The following TPO variants were observed in gnomAD, a reference collection of about 807,000 sequenced individuals.
TPO encodes the protein thyroid microsomal antigen.
Under a neutral mutation model 96.9 loss-of-function variants are expected in TPO, and 78 were observed. The ratio of observed to expected loss-of-function variants is 0.81; its 90% confidence interval spans 0.67 to 0.97. The LOEUF (loss-of-function observed/expected upper bound fraction) is 0.97. Among genes scored for constraint, TPO ranks in the 50% least tolerant of loss-of-function variants. The probability of loss-of-function intolerance (pLI) is 0.00; values close to 1 mark genes in which losing one functional copy is unlikely to be tolerated. For synonymous variants in TPO, 547 were observed against 538.0 expected (o/e 1.02, Z -0.23); for missense variants, 1,252 against 1,274.8 (o/e 0.98, Z 0.27).
chr2:1,478,271 G>A (rs1573354676), intron 8 of TPO: 1 of 985,348 alleles, frequency 1.0e-6, no homozygotes, highest in African/African-American at 1.7e-5. Context: ...TGCGGTCCCT[G>A]ACTCTAGGGG....
At chr2:1,428,116 G>C (rs1487729493) in intron 3 of TPO, among the ~76,000 whole-genome samples, 1 of 152,168 alleles carries the variant, frequency 6.6e-6, no homozygotes, top group African/African-American at 2.4e-5. Context: ...ATTTGAGTTT[G>C]ATTTTCAGAT....
chr2:1,418,011 C>T (rs968177370), intron 2 of TPO, among the ~76,000 whole-genome samples: 5 of 151,792 alleles, frequency 3.3e-5, no homozygotes, highest in East Asian at 1.9e-4. Flanking sequence ...AGGCCAGTGC[C>T]ATGACTCACA....
At chr2:1,519,372 C>G (rs1213273092) in intron 15 of TPO, among the ~76,000 whole-genome samples, 5 of 152,206 alleles carry the variant, frequency 3.3e-5, no homozygotes, top group Non-Finnish European at 7.3e-5. Context: ...CGTGCCACAG[C>G]TGCCCTGCTT....
At chr2:1,478,673 G>C (rs1325991540) in intron 8 of TPO, among the ~76,000 whole-genome samples, 1 of 152,046 alleles carries the variant, frequency 6.6e-6, no homozygotes, top group African/African-American at 2.4e-5. Context: ...ACACTTCTCC[G>C]GCAAGCACGG....
chr2:1,448,697 G>C (rs1448072434), intron 5 of TPO, among the ~76,000 whole-genome samples: 1 of 152,218 alleles, frequency 6.6e-6, no homozygotes, highest in Non-Finnish European at 1.5e-5. Flanking sequence ...GCTCCTGCAG[G>C]TAAATGGCTG....
At chr2:1,472,827 CAAAAAAAAAA>C (rs34064729) in intron 7 of TPO, among the ~76,000 whole-genome samples, 97 of 48,340 alleles carry the variant, frequency 2.0e-3, no homozygotes, top group South Asian at 0.012. Flanking sequence ...TGTTTGGCGG[CAAAAAAAAAA>C]AAAAAAAAAA....
At chr2:1,490,879 C>G (rs1038701752) in intron 10 of TPO, among the ~76,000 whole-genome samples, 1 of 152,170 alleles carries the variant, frequency 6.6e-6, no homozygotes, top group Non-Finnish European at 1.5e-5. Flanking sequence ...TTCCCCAAAA[C>G]ACTTTTTTGC....
At chr2:1,479,006 G>GAGTT (rs1670279117) in intron 8 of TPO, among the ~76,000 whole-genome samples, 1 of 152,212 alleles carries the variant, frequency 6.6e-6, no homozygotes, top group African/African-American at 2.4e-5. Context: ...TGAGAAGATC[G>GAGTT]AGTTAGAAAT....
intron 14 of TPO, 90 bp downstream of exon 14, chr2:1,504,169 AC>A (rs1673173024): frequency 6.3e-7 from 1 of 1,598,534 alleles, no homozygotes; most frequent in African/African-American, 1.3e-5. Flanking sequence ...ACTGTCAATC[AC>A]CATCTTGATT....
intron 1 of TPO, among the ~76,000 whole-genome samples, chr2:1,399,947 A>C (rs1217586727): frequency 6.6e-6 from 1 of 152,128 alleles, no homozygotes; most frequent in African/African-American, 2.4e-5. Context: ...AGCCCCACTT[A>C]ATGGGAGCTG....
intron 1 of TPO, among the ~76,000 whole-genome samples, chr2:1,396,867 G>T (rs569769671): frequency 7.2e-5 from 11 of 152,342 alleles, no homozygotes; most frequent in Admixed American, 4.6e-4. Flanking sequence ...TAAAGCCGCA[G>T]AAGTTTAATA....
At chr2:1,381,904 T>C (rs1375999672) in intron 1 of TPO, among the ~76,000 whole-genome samples, 1 of 152,104 alleles carries the variant, frequency 6.6e-6, no homozygotes, top group Non-Finnish European at 1.5e-5. Flanking sequence ...TGTCTCTACC[T>C]CATGAAATTG....
At position 1,463,023 on chromosome 2, in the gene TPO, C is replaced by G. The variant is rs7568087; in HGVS notation, c.819+6741C>G. Among the ~76,000 whole-genome samples, 878 of 152,290 alleles carry G rather than the reference C, an allele frequency of 5.8e-3. 16 individuals are homozygous for G. Among genetic ancestry groups the G allele is most frequent in the African/African-American group, 0.02 (811 of 41,570 alleles). ...ATGTTCATTATTGAGCATATATTAT[C>G]TTTGTACTTAGAGAAAAATAACAAT... On this transcript the variant is annotated intron_variant, in intron 7 of 16. Coordinates refer to ENST00000329066, the MANE Select transcript of TPO (RefSeq NM_001206744.2).
At chr2:1,415,021 G>A (rs1375876535) in intron 2 of TPO, among the ~76,000 whole-genome samples, 1 of 152,244 alleles carries the variant, frequency 6.6e-6, no homozygotes, top group Non-Finnish European at 1.5e-5. Context: ...TTTACCCCAT[G>A]GACACCGCTG....
Position 1,426,213 on chromosome 2 carries a change from A to C in TPO, c.179+3084A>C, listed in dbSNP as rs539533526. On this transcript the variant is annotated intron_variant, in intron 3 of 16. Coordinates refer to ENST00000329066, the MANE Select transcript of TPO (RefSeq NM_001206744.2). ...TCAGAAGTCTGTGCTCCTTCCGTAA[A>C]GTCATTGTTCTAGATGCCGGGATAC... 1.3e-3 allele frequency among the ~76,000 whole-genome samples: 187 copies of C among 146,398 alleles called. 1 individual carries two copies. Among genetic ancestry groups the C allele is most frequent in the Admixed American group, 0.01 (153 of 14,906 alleles).
At chr2:1,530,910 C>CCCCCCCACTCTGTGCGACCTCCCCAAAT (rs1677997626) in intron 15 of TPO, among the ~76,000 whole-genome samples, 1 of 89,744 alleles carries the variant, frequency 1.1e-5, no homozygotes, top group African/African-American at 5.0e-5. Flanking sequence ...CTCCCCAAAT[C>CCCCCCCACTCTGTGCGACCTCCCCAAAT]CCCCCCACTC....
rs377469893 is a variant in TPO, at chr2:1,516,989, C to G, written c.2618+7C>G. 1 of 1,613,560 alleles carries G rather than the reference C, an allele frequency of 6.2e-7. No individual in the cohort carries two copies. On this transcript the variant is annotated splice_region_variant and intron_variant, in intron 15 of 16. Coordinates refer to ENST00000329066, the MANE Select transcript of TPO (RefSeq NM_001206744.2). ...CGACGGTGATTTGCAGGTGGTAAGT[C>G]CTTCACTTTTTGACTGTTACTTAGA...
chr2:1,540,971 C>T, intron 16 of TPO: 1 of 1,469,782 alleles, frequency 6.8e-7, no homozygotes, highest in Non-Finnish European at 9.1e-7. Context: ...ACTAAGGGCT[C>T]ACTTTCAGGC....
At chr2:1,398,664 C>T (rs759778937) in intron 1 of TPO, among the ~76,000 whole-genome samples, 3 of 152,198 alleles carry the variant, frequency 2.0e-5, no homozygotes, top group African/African-American at 4.8e-5. Flanking sequence ...TCACCTGGTT[C>T]ATGTGCAGGC....
Sources: gnomAD v4.1 joint callset for allele counts (sites outside exome capture counted in the v4.1 genomes callset) on GRCh38, gnomAD v4.1.1 for gene constraint, MANE v1.5 for transcripts, NCBI Gene and HGNC (gene_info 2026-07-23, HGNC 2026-07-21) for gene names.